The following C2CD4A variants were observed in gnomAD, a reference collection of about 807,000 sequenced individuals.
C2CD4A encodes C2 calcium dependent domain containing 4A, also known as C2 calcium-dependent domain-containing protein 4A.
Under a neutral mutation model 0.4 loss-of-function variants are expected in C2CD4A, and 2 were observed. That is an observed-to-expected ratio of 4.45 (90% CI 1.82 to 13.99). C2CD4A has a LOEUF of 13.99. C2CD4A is among the 30% of genes most tolerant of loss of function. C2CD4A has a pLI of 0.04. For missense variants in C2CD4A, 610 were observed against 574.2 expected (o/e 1.06, Z -0.64); for synonymous variants, 297 against 280.8 (o/e 1.06, Z -0.58).
rs1410364669 is a variant in C2CD4A at position 62,067,600 on chromosome 15, CAG to C, written c.-9_-8del. The C allele has an allele frequency of 6.4e-7, 1 of 1,571,886 alleles. No individual in the cohort carries two copies. Among genetic ancestry groups the C allele is most frequent in the African/African-American group, 1.3e-5 (1 of 74,620 alleles). On this transcript the variant is annotated 5_prime_UTR_variant, in exon 2 of 2. Transcript: ENST00000355522. The stretch of plus-strand genomic sequence containing the variant: ...TGCACTGCAGGTAGACAAGCTCCAG[CAG>C]AGAGTGGCCAGATGTGGTGCCTGGA...
intron 1 of C2CD4A, 49 bp from the exon 2 acceptor site, chr15:62,067,536 C>A: frequency 7.0e-7 from 1 of 1,424,982 alleles, no homozygotes; most frequent in Non-Finnish European, 9.4e-7. Flanking sequence ...GGATTTACTG[C>A]ACCTTGCGGG....
rs144858284 is a variant in C2CD4A, at chr15:62,070,448, G to A, written c.*1725G>A. 279 of 413,466 alleles carry A rather than the reference G, an allele frequency of 6.7e-4. No homozygotes were observed. Among genetic ancestry groups the A allele is most frequent in the African/African-American group, 4.9e-3 (237 of 48,740 alleles). 25.6% of individuals were successfully genotyped at this position (413,466 alleles called of 1,614,324 possible). A position where few individuals can be genotyped will look rare whatever the true frequency, so the allele number is the denominator to read the frequency against. On this transcript the variant is annotated 3_prime_UTR_variant, in exon 2 of 2. Transcript: ENST00000355522. The stretch of plus-strand genomic sequence containing the variant: ...TTCTCAAAGTGCTAGGATTATAGGC[G>A]TGAGCCACCATGCCCGACCAGTTTC...
chr15:62,067,503 G>A (rs939892092), intron 1 of C2CD4A, 82 bp from the exon 2 acceptor site: 2 of 1,191,298 alleles, frequency 1.7e-6, no homozygotes, highest in Non-Finnish European at 2.3e-6. Flanking sequence ...CACCCCGAAA[G>A]TATTAATAGG....
Position 62,068,013 on chromosome 15 carries a change from A to G in C2CD4A, c.400A>G (p.Thr134Ala). ...GPPAPRPRAHTYGGGGGPDAL... is the reference protein window; with the variant it reads ...GPPAPRPRAHAYGGGGGPDAL... ...GCCCGCGCCCCGGCCCCGGGCCCAC[A>G]CCTACGGCGGCGGCGGCGGCCCGGA... Residue 134 changes from threonine (T) to alanine (A), a missense_variant, in exon 2 of 2, where the codon ACC (threonine) becomes GCC (alanine). Thr to Ala is a moderately conservative substitution (Grantham distance 58). Coordinates refer to ENST00000355522, the MANE Select transcript of C2CD4A (RefSeq NM_207322.3). The G allele has an allele frequency of 7.7e-7, 1 of 1,297,720 alleles. No homozygotes were observed. The highest frequency in any genetic ancestry group is 9.7e-7 in the Non-Finnish European group (1 of 1,032,842). The allele number at this position is 1,297,720 out of a possible 1,614,324, so 80.4% of individuals were successfully genotyped here.
Position 62,067,690 on chromosome 15 carries a change from C to T in C2CD4A, c.77C>T (p.Ala26Val). The change falls in exon 2 of 2, where the codon GCC becomes GTC. Residue 26 changes from alanine (A) to valine (V), a missense_variant. Physicochemically the swap from Ala to Val is moderately conservative, Grantham distance 64. Coordinates refer to ENST00000355522, the MANE Select transcript of C2CD4A (RefSeq NM_207322.3). ...RSGDWLLPGR[A>V]RGAKSRTTAA... Reference sequence around the variant, plus strand: ...GGAGACTGGCTTCTCCCGGGTCGGGCCCGCGGAGCCAAGTCTCGCACCACC... The same window carrying T: ...GGAGACTGGCTTCTCCCGGGTCGGGTCCGCGGAGCCAAGTCTCGCACCACC... The T allele has an allele frequency of 1.9e-6, 3 of 1,607,958 alleles. No individual in the cohort carries two copies. The highest frequency in any genetic ancestry group is 1.1e-5 in the South Asian group (1 of 91,022).
rs181690482 is a variant in C2CD4A at position 62,069,280 on chromosome 15, G to C, written c.*557G>C. On this transcript the variant is annotated 3_prime_UTR_variant, in exon 2 of 2. Coordinates refer to ENST00000355522, the MANE Select transcript of C2CD4A (RefSeq NM_207322.3). ...AAATGAAACCATTTTAATATTCTAA[G>C]CTTAAATAATAGTTATAATAGGCTA... The C allele has an allele frequency of 8.9e-4, 149 of 167,256 alleles. No homozygotes were observed. In the Middle Eastern group the frequency reaches 0.01, roughly 11 times the overall value. The allele number at this position is 167,256 out of a possible 1,614,324, so 10.4% of individuals were successfully genotyped here. A position where few individuals can be genotyped will look rare whatever the true frequency, so the allele number is the denominator to read the frequency against.
chr15:62,070,414 C>T lies in C2CD4A; in HGVS notation c.*1691C>T, dbSNP rs758712627. ...TACCTCCTGACACAAGCTGTCATCC[C>T]GCTTTGGCTTCTCAAAGTGCTAGGA... On this transcript the variant is annotated 3_prime_UTR_variant, in exon 2 of 2. Coordinates refer to ENST00000355522, the MANE Select transcript of C2CD4A (RefSeq NM_207322.3). 4 of 413,276 alleles carry T rather than the reference C, an allele frequency of 9.7e-6. No individual in the cohort carries two copies. Among genetic ancestry groups the T allele is most frequent in the East Asian group, 3.6e-5 (1 of 28,092 alleles). The allele number at this position is 413,276 out of a possible 1,614,324, so 25.6% of individuals were successfully genotyped here.
chr15:62,068,480 C>T lies in C2CD4A; in HGVS notation c.867C>T (p.Ala289=), dbSNP rs1298214324. The change falls in exon 2 of 2, where the codon GCC becomes GCT. Residue 289 remains alanine (A), a synonymous_variant. Coordinates refer to ENST00000355522, the MANE Select transcript of C2CD4A (RefSeq NM_207322.3). ...CCGGAGGCGCCCCCGGGCCCCGAGCCGTCAGCTGTCGCCTCAGCCTCGTCC... is the reference window on the plus strand; with the variant it reads ...CCGGAGGCGCCCCCGGGCCCCGAGCTGTCAGCTGTCGCCTCAGCCTCGTCC... ...SPAGGAPGPR[A]VSCRLSLVLR... 1.4e-6 allele frequency: 2 copies of T among 1,472,758 alleles called. No individual in the cohort carries two copies. Among genetic ancestry groups the T allele is most frequent in the East Asian group, 2.9e-5 (1 of 34,202 alleles). The allele number at this position is 1,472,758 out of a possible 1,614,324, so 91.2% of individuals were successfully genotyped here.
In C2CD4A at chr15:62,067,997, C is replaced by G. The variant is rs1596557108; in HGVS notation, c.384C>G (p.Pro128=). Residue 128 remains proline (P), a synonymous_variant, in exon 2 of 2, where the codon CCC becomes CCG. Transcript: ENST00000355522. The part of the protein sequence containing the change: ...ESLLLGGPPA[P]RPRAHTYGGG... ...TCCTGCTCGGGGGCCCGCCCGCGCC[C>G]CGGCCCCGGGCCCACACCTACGGCG... 7.3e-7 allele frequency: 1 copy of G among 1,379,060 alleles called. No individual in the cohort carries two copies. The allele number at this position is 1,379,060 out of a possible 1,614,324, so 85.4% of individuals were successfully genotyped here.
chr15:62,068,951 CA>C lies in C2CD4A; in HGVS notation c.*229del. On this transcript the variant is annotated 3_prime_UTR_variant, in exon 2 of 2. Coordinates refer to ENST00000355522, the MANE Select transcript of C2CD4A (RefSeq NM_207322.3). ...GTTCTACAGTGTTTCCCAATATAGACAGCCATTTGCATACCATATGTACCAC... is the reference window on the plus strand; with the variant it reads ...GTTCTACAGTGTTTCCCAATATAGACGCCATTTGCATACCATATGTACCAC... The C allele has an allele frequency of 2.0e-6, 1 of 491,452 alleles. No homozygotes were observed. The highest frequency in any genetic ancestry group is 3.5e-6 in the Non-Finnish European group (1 of 287,610). 30.4% of individuals were successfully genotyped at this position (491,452 alleles called of 1,614,324 possible).
chr15:62,067,601 A>C lies in C2CD4A; in HGVS notation c.-13A>C. ...GCACTGCAGGTAGACAAGCTCCAGCAGAGAGTGGCCAGATGTGGTGCCTGG... is the reference window on the plus strand; with the variant it reads ...GCACTGCAGGTAGACAAGCTCCAGCCGAGAGTGGCCAGATGTGGTGCCTGG... On this transcript the variant is annotated 5_prime_UTR_variant, in exon 2 of 2. Transcript: ENST00000355522. 6.4e-7 allele frequency: 1 copy of C among 1,572,926 alleles called. No individual in the cohort carries two copies. Among genetic ancestry groups the C allele is most frequent in the Non-Finnish European group, 8.6e-7 (1 of 1,162,318 alleles).
chr15:62,068,037 G>A lies in C2CD4A; in HGVS notation c.424G>A (p.Asp142Asn), dbSNP rs1408427009. ...CACCTACGGCGGCGGCGGCGGCCCG[G>A]ACGCCCTCCTGGGGACCCTGCGCGT... Reference protein sequence around the residue: ...AHTYGGGGGPDALLGTLRVPR... With the variant: ...AHTYGGGGGPNALLGTLRVPR... Residue 142 changes from aspartate (D) to asparagine (N), a missense_variant, in exon 2 of 2, where the codon GAC (aspartate) becomes AAC (asparagine). Coordinates refer to ENST00000355522, the MANE Select transcript of C2CD4A (RefSeq NM_207322.3). 7.1e-6 allele frequency: 9 copies of A among 1,269,408 alleles called. No individual in the cohort carries two copies. The highest frequency in any genetic ancestry group is 8.9e-6 in the Non-Finnish European group (9 of 1,015,444). 78.6% of individuals were successfully genotyped at this position (1,269,408 alleles called of 1,614,324 possible).
At position 62,068,132 on chromosome 15, in the gene C2CD4A, C is replaced by T. The variant is rs1343276727; in HGVS notation, c.519C>T (p.Ala173=). ...CCCGCCCGCCCCAGGACGCGCTCGCCCGGCGGCCCCGCGGCTGCCGCCTCC... is the reference window on the plus strand; with the variant it reads ...CCCGCCCGCCCCAGGACGCGCTCGCTCGGCGGCCCCGCGGCTGCCGCCTCC... ...GCPRPPQDAL[A]RRPRGCRLLR... Residue 173 remains alanine (A), a synonymous_variant, in exon 2 of 2, where the codon GCC becomes GCT. Transcript: ENST00000355522. 27 of 1,195,358 alleles carry T rather than the reference C, an allele frequency of 2.3e-5. No homozygotes were observed. The highest frequency in any genetic ancestry group is 2.7e-5 in the Non-Finnish European group (26 of 966,954). 74.0% of individuals were successfully genotyped at this position (1,195,358 alleles called of 1,614,324 possible).
At position 62,070,196 on chromosome 15, in the gene C2CD4A, G is replaced by A. The variant is rs368134895; in HGVS notation, c.*1473G>A. The A allele has an allele frequency of 9.7e-6, 4 of 411,590 alleles. No homozygotes were observed. The Admixed American group carries it at 1.3e-4, about 14-fold the overall frequency. 25.5% of individuals were successfully genotyped at this position (411,590 alleles called of 1,614,324 possible). A position where few individuals can be genotyped will look rare whatever the true frequency, so the allele number is the denominator to read the frequency against. ...CTTTTTTTTATGCAAATAGGAAAAT[G>A]CATCCTAAATGAGGGTTTAAAAAAT... On this transcript the variant is annotated 3_prime_UTR_variant, in exon 2 of 2. Coordinates refer to ENST00000355522, the MANE Select transcript of C2CD4A (RefSeq NM_207322.3).
In C2CD4A at chr15:62,067,632, C is replaced by G; in HGVS notation, c.19C>G (p.Leu7Val). MWCLER[L>V]RLGPECLRRS... ...TGGCCAGATGTGGTGCCTGGAGCGA[C>G]TCCGCTTGGGTCCTGAGTGCCTTCG... The change falls in exon 2 of 2, where the codon CTC (leucine) becomes GTC (valine). Residue 7 changes from leucine (L) to valine (V), a missense_variant. Transcript: ENST00000355522. 5 of 1,596,844 alleles carry G rather than the reference C, an allele frequency of 3.1e-6. No homozygotes were observed. Among genetic ancestry groups the G allele is most frequent in the Non-Finnish European group, 4.3e-6 (5 of 1,174,872 alleles).
rs768762685 is a variant in C2CD4A, at chr15:62,068,501, C to G, written c.888C>G (p.Leu296=). 6.6e-7 allele frequency: 1 copy of G among 1,510,538 alleles called. No individual in the cohort carries two copies. Among genetic ancestry groups the G allele is most frequent in the Non-Finnish European group, 8.8e-7 (1 of 1,131,900 alleles). The allele number at this position is 1,510,538 out of a possible 1,614,324, so 93.6% of individuals were successfully genotyped here. ...GPRAVSCRLS[L]VLRPPGTALR... is the part of the protein sequence containing the mutation. ...GAGCCGTCAGCTGTCGCCTCAGCCT[C>G]GTCCTGCGGCCGCCGGGCACCGCGC... Residue 296 remains leucine, a synonymous_variant, in exon 2 of 2, where the codon CTC becomes CTG. Transcript: ENST00000355522.
rs2049072484 is a variant in C2CD4A, at chr15:62,069,731, C to T, written c.*1008C>T. 1 of 167,092 alleles carries T rather than the reference C, an allele frequency of 6.0e-6. No individual in the cohort carries two copies. Among genetic ancestry groups the T allele is most frequent in the African/African-American group, 2.4e-5 (1 of 41,446 alleles). The allele number at this position is 167,092 out of a possible 1,614,324, so 10.4% of individuals were successfully genotyped here. Reference sequence around the variant, plus strand: ...CCAGAATTTGAACCTAGACAATCAGCATTTCACTCATTACTCTTATGTAGG... The same window carrying T: ...CCAGAATTTGAACCTAGACAATCAGTATTTCACTCATTACTCTTATGTAGG... On this transcript the variant is annotated 3_prime_UTR_variant, in exon 2 of 2. Coordinates refer to ENST00000355522, the MANE Select transcript of C2CD4A (RefSeq NM_207322.3).
intron 1 of C2CD4A, among the ~76,000 whole-genome samples, chr15:62,067,356 C>T (rs1278389714): frequency 1.3e-5 from 2 of 152,196 alleles, no homozygotes; most frequent in Non-Finnish European, 2.9e-5. Flanking sequence ...GGGATTAAAA[C>T]AAGCTCCGAA....
Position 62,068,540 on chromosome 15 carries a change from C to T in C2CD4A, c.927C>T (p.Ser309=). The change falls in exon 2 of 2, where the codon AGC becomes AGT. Residue 309 remains serine, a synonymous_variant. Coordinates refer to ENST00000355522, the MANE Select transcript of C2CD4A (RefSeq NM_207322.3). ...CGGGCACCGCGCTTCGGCAATGCAGCACTGTGGTGGGGCGCAGCCGCAAGG... is the reference window on the plus strand; with the variant it reads ...CGGGCACCGCGCTTCGGCAATGCAGTACTGTGGTGGGGCGCAGCCGCAAGG... The part of the protein sequence containing the change: ...RPPGTALRQC[S]TVVGRSRKAS... 1 of 1,561,850 alleles carries T rather than the reference C, an allele frequency of 6.4e-7. No individual in the cohort carries two copies. The highest frequency in any genetic ancestry group is 2.4e-5 in the East Asian group (1 of 42,142).
Sources: gnomAD v4.1 joint callset for allele counts (sites outside exome capture counted in the v4.1 genomes callset) on GRCh38, gnomAD v4.1.1 for gene constraint, MANE v1.5 for transcripts, NCBI Gene and HGNC (gene_info 2026-07-23, HGNC 2026-07-21) for gene names.